LEMD3: variants seen among roughly 807,000 people sequenced by gnomAD.
LEMD3 encodes the protein LEM domain containing 3.
LEMD3 carries 33 observed loss-of-function variants against 95.2 expected under a neutral mutation model. The ratio of observed to expected loss-of-function variants is 0.35; its 90% CI spans 0.26 to 0.46. LEMD3 has a LOEUF of 0.46. Ranked by LOEUF, LEMD3 falls within the 20% of genes least tolerant of loss-of-function variation. LEMD3 has a pLI of 1.00. For missense variants in LEMD3, 1,210 were observed against 1,192.8 expected (o/e 1.01, Z -0.21); for synonymous variants, 525 against 474.6 (o/e 1.11, Z -1.38).
chr12:65,175,353 A>G (rs1868685085), intron 1 of LEMD3, among the ~76,000 whole-genome samples: 1 of 152,044 alleles, frequency 6.6e-6, no homozygotes, highest in African/African-American at 2.4e-5. Flanking sequence ...CCATTCTAAA[A>G]ATGTTGCTCT....
chr12:65,220,936 T>G (rs983497685), intron 4 of LEMD3, among the ~76,000 whole-genome samples: 1 of 152,180 alleles, frequency 6.6e-6, no homozygotes, highest in African/African-American at 2.4e-5. Flanking sequence ...TTATGTCTAT[T>G]ATTATGCTAG....
intron 1 of LEMD3, among the ~76,000 whole-genome samples, chr12:65,180,031 A>G (rs761531278): frequency 2.0e-5 from 3 of 151,928 alleles, no homozygotes; most frequent in Non-Finnish European, 2.9e-5. Flanking sequence ...TGCAGCCTCC[A>G]TCTCCTAGGT....
At chr12:65,172,878 G>A (rs1188762874) in intron 1 of LEMD3, among the ~76,000 whole-genome samples, 3 of 151,820 alleles carry the variant, frequency 2.0e-5, no homozygotes, top group African/African-American at 4.8e-5. Context: ...TGCGCGTGCC[G>A]CCACACCTGG....
intron 1 of LEMD3, among the ~76,000 whole-genome samples, chr12:65,191,624 A>G (rs1051457136): frequency 6.6e-6 from 1 of 152,168 alleles, no homozygotes; most frequent in Non-Finnish European, 1.5e-5. Flanking sequence ...TACCGAAGTT[A>G]GTTCAAGGTG....
Position 65,171,008 on chromosome 12 carries a change from A to C in LEMD3, c.1412A>C (p.His471Pro). ...EVSPTGSFSA[H>P]YLSMFLLTAA... ...TCCCCAACAGGGAGTTTCAGTGCCC[A>C]CTACTTGTCGATGTTTCTCTTAACT... The change falls in exon 1 of 13, where the codon CAC becomes CCC. Residue 471 changes from histidine to proline, a missense_variant. By Grantham distance (77) the His-to-Pro change is moderately conservative (BLOSUM62 -2). Coordinates refer to ENST00000308330, the MANE Select transcript of LEMD3 (RefSeq NM_014319.5). 1.2e-6 allele frequency: 2 copies of C among 1,614,228 alleles called. No individual in the cohort carries two copies. The highest frequency in any genetic ancestry group is 1.7e-6 in the Non-Finnish European group (2 of 1,180,030).
chr12:65,185,707 T>C (rs1370178709), intron 1 of LEMD3, among the ~76,000 whole-genome samples: 1 of 151,170 alleles, frequency 6.6e-6, no homozygotes, highest in Non-Finnish European at 1.5e-5. Flanking sequence ...GCATTTATTT[T>C]CAAGACATTC....
intron 1 of LEMD3, among the ~76,000 whole-genome samples, chr12:65,172,749 C>T (rs1306477816): frequency 1.4e-5 from 2 of 144,862 alleles, no homozygotes; most frequent in South Asian, 2.2e-4. Flanking sequence ...TTTTTTTAGA[C>T]AGAGTCTAGC....
intron 2 of LEMD3, 66 bp downstream of exon 2, chr12:65,211,029 A>G: frequency 4.3e-6 from 5 of 1,155,914 alleles, no homozygotes; most frequent in Non-Finnish European, 6.5e-6. Flanking sequence ...CATGAGAATG[A>G]CTATCAACTA....
At chr12:65,187,913 T>A (rs1869117128) in intron 1 of LEMD3, among the ~76,000 whole-genome samples, 2 of 152,126 alleles carry the variant, frequency 1.3e-5, no homozygotes, top group African/African-American at 4.8e-5. Context: ...GAACAGACCT[T>A]AACAAATAGA....
intron 1 of LEMD3, among the ~76,000 whole-genome samples, chr12:65,194,448 A>T (rs141299076): frequency 1.2e-4 from 19 of 152,162 alleles, no homozygotes; most frequent in South Asian, 8.3e-4. Flanking sequence ...GGTGCTGCTA[A>T]TTGGTTGTGG....
chr12:65,215,981 G>A lies in LEMD3; in HGVS notation c.1565G>A (p.Ser522Asn). The A allele has an allele frequency of 6.7e-7, 1 of 1,487,446 alleles. No homozygotes were observed. The highest frequency in any genetic ancestry group is 1.7e-4 in the Middle Eastern group (1 of 5,716). 92.1% of individuals were successfully genotyped at this position (1,487,446 alleles called of 1,614,324 possible). ...FGETFGKIQE[S>N]EKTLMMNTLY... Reference sequence around the variant, plus strand: ...AATAACTTCTCTTAATTTTAGGAAAGTGAAAAAACTCTTATGATGAACACA... The same window carrying A: ...AATAACTTCTCTTAATTTTAGGAAAATGAAAAAACTCTTATGATGAACACA... Residue 522 changes from serine to asparagine, a missense_variant, in exon 3 of 13, where the codon AGT becomes AAT. Transcript: ENST00000308330.
At chr12:65,178,509 C>G (rs1179185575) in intron 1 of LEMD3, among the ~76,000 whole-genome samples, 1 of 152,056 alleles carries the variant, frequency 6.6e-6, no homozygotes, top group Non-Finnish European at 1.5e-5. Context: ...GTTGCTTAGC[C>G]ATTGTAAACC....
chr12:65,169,614 T>G lies in LEMD3; in HGVS notation c.18T>G (p.Ala6=). The G allele has an allele frequency of 6.3e-7, 1 of 1,587,940 alleles. No homozygotes were observed. The highest frequency in any genetic ancestry group is 1.1e-5 in the South Asian group (1 of 87,688). Residue 6 remains alanine (A), a synonymous_variant, in exon 1 of 13, where the codon GCT becomes GCG. Coordinates refer to ENST00000308330, the MANE Select transcript of LEMD3 (RefSeq NM_014319.5). MAAAA[A]SAPQQLSDEE... ...GAGAGAAAATGGCGGCGGCAGCAGCTTCGGCGCCTCAGCAGCTCTCGGATG... is the reference window on the plus strand; with the variant it reads ...GAGAGAAAATGGCGGCGGCAGCAGCGTCGGCGCCTCAGCAGCTCTCGGATG...
At chr12:65,211,605 A>G (rs1869942699) in intron 2 of LEMD3, among the ~76,000 whole-genome samples, 1 of 152,248 alleles carries the variant, frequency 6.6e-6, no homozygotes, top group Admixed American at 6.5e-5. Flanking sequence ...AGACCTGTAT[A>G]GAAAACATTA....
intron 4 of LEMD3, 83 bp from the exon 5 acceptor site, chr12:65,238,419 A>G: frequency 1.2e-6 from 1 of 815,492 alleles, no homozygotes; most frequent in Non-Finnish European, 2.1e-6. Flanking sequence ...TAAAAATGTT[A>G]TATAGAGTGT....
chr12:65,226,561 C>T (rs1870454475), intron 4 of LEMD3, among the ~76,000 whole-genome samples: 1 of 152,108 alleles, frequency 6.6e-6, no homozygotes, highest in Non-Finnish European at 1.5e-5. Flanking sequence ...GTAATAGTCT[C>T]CTGTGATTAT....
chr12:65,241,090 A>T lies in LEMD3; in HGVS notation c.2305+3A>T. On this transcript the variant is annotated splice_donor_region_variant and intron_variant, in intron 9 of 12. Transcript: ENST00000308330. ...TTCTAAAGTATGGCAAGGTCAAGGT[A>T]TGTATTTTTAAACATCAAAAAAGTA... 1 of 1,612,576 alleles carries T rather than the reference A, an allele frequency of 6.2e-7. No individual in the cohort carries two copies. Among genetic ancestry groups the T allele is most frequent in the Non-Finnish European group, 8.5e-7 (1 of 1,178,650 alleles).
In LEMD3 at chr12:65,170,132, C is replaced by T; in HGVS notation, c.536C>T (p.Ala179Val). Residue 179 changes from alanine (A) to valine (V), a missense_variant, in exon 1 of 13, where the codon GCC becomes GTC. By Grantham distance (64) the Ala-to-Val change is moderately conservative (BLOSUM62 0). This residue lies in a region of LEMD3 where 749 missense variants were observed against 622.9 expected (regional missense o/e 1.20). Coordinates refer to ENST00000308330, the MANE Select transcript of LEMD3 (RefSeq NM_014319.5). ...GLKAPPAPLA[A>V]SEVTNSNSAE... is the part of the protein sequence containing the mutation. ...AAAGCGCCGCCGGCGCCCCTGGCCGCCAGCGAGGTGACTAACAGCAACTCT... is the reference window on the plus strand; with the variant it reads ...AAAGCGCCGCCGGCGCCCCTGGCCGTCAGCGAGGTGACTAACAGCAACTCT... 1 of 1,464,908 alleles carries T rather than the reference C, an allele frequency of 6.8e-7. No homozygotes were observed. The highest frequency in any genetic ancestry group is 1.4e-5 in the African/African-American group (1 of 70,588). The allele number at this position is 1,464,908 out of a possible 1,614,324, so 90.7% of individuals were successfully genotyped here.
intron 1 of LEMD3, among the ~76,000 whole-genome samples, chr12:65,205,290 A>G (rs1282802671): frequency 1.3e-5 from 2 of 152,166 alleles, no homozygotes; most frequent in Non-Finnish European, 2.9e-5. Flanking sequence ...TAACCATATC[A>G]GTCTGATAAC....
Sources: allele counts gnomAD v4.1 joint callset (sites outside exome capture counted in the v4.1 genomes callset), GRCh38; gene constraint gnomAD v4.1.1; regional missense constraint gnomAD v4.1.1; transcripts MANE v1.5; gene names NCBI Gene and HGNC (gene_info 2026-07-23, HGNC 2026-07-21).